CMIP: variants seen among roughly 807,000 people sequenced by gnomAD.
CMIP encodes the protein C-Maf-inducing protein.
A neutral mutation model predicts 97.3 loss-of-function variants in CMIP; 13 were observed. The ratio of observed to expected loss-of-function variants is 0.13; its 90% confidence interval spans 0.09 to 0.21. The LOEUF is 0.21. Among genes scored for constraint, CMIP ranks in the 10% least tolerant of loss-of-function variants. CMIP has a pLI of 1.00. For missense variants in CMIP, 847 were observed against 1,024.9 expected (o/e 0.83, Z 2.37); for synonymous variants, 538 against 436.3 (o/e 1.23, Z -2.91).
intron 1 of CMIP, among the ~76,000 whole-genome samples, chr16:81,477,808 T>G (rs118165081): frequency 0.026 from 4,001 of 152,316 alleles, 59 homozygotes; most frequent in South Asian, 0.046. Context: ...AGGCTCAAGT[T>G]CCTGCCATTT....
chr16:81,709,059 A>C (rs1908467213), intron 20 of CMIP, among the ~76,000 whole-genome samples: 2 of 152,174 alleles, frequency 1.3e-5, no homozygotes, highest in African/African-American at 4.8e-5. Flanking sequence ...ACTGTTCATA[A>C]AGAAAAGTGG....
Position 81,705,698 on chromosome 16 carries a change from T to G in CMIP, c.2197+94T>G, listed in dbSNP as rs950651777. 4 of 745,530 alleles carry G rather than the reference T, an allele frequency of 5.4e-6. No individual in the cohort carries two copies. The Admixed American group carries it at 7.5e-5, about 14-fold the overall frequency. The allele number at this position is 745,530 out of a possible 1,614,324, so 46.2% of individuals were successfully genotyped here. The stretch of plus-strand genomic sequence containing the variant: ...CTGGCCAAGCACTGACTTTGCACCA[T>G]GCACAGATAGAGAAATTCGTTCATT... On this transcript the variant is annotated intron_variant, in intron 19 of 20. Transcript: ENST00000537098.
chr16:81,505,996 A>C (rs752523214), intron 1 of CMIP, among the ~76,000 whole-genome samples: 1 of 152,148 alleles, frequency 6.6e-6, no homozygotes, highest in South Asian at 2.1e-4. Context: ...ACTCCATCTC[A>C]AAATAAAATA....
At chr16:81,596,571 G>A (rs2091560793) in intron 1 of CMIP, among the ~76,000 whole-genome samples, 1 of 150,434 alleles carries the variant, frequency 6.6e-6, no homozygotes, top group South Asian at 2.1e-4. Flanking sequence ...TACACACATT[G>A]TATACTGCTT....
chr16:81,703,900 C>CCA, intron 17 of CMIP, 39 bp from the exon 18 acceptor site: 1 of 1,570,726 alleles, frequency 6.4e-7, no homozygotes, highest in East Asian at 2.3e-5. Flanking sequence ...TCGGGAACTC[C>CCA]CAGCAGCACC....
intron 1 of CMIP, among the ~76,000 whole-genome samples, chr16:81,577,235 A>C (rs1051426250): frequency 6.6e-6 from 1 of 150,418 alleles, no homozygotes; most frequent in Non-Finnish European, 1.5e-5. Flanking sequence ...CATCATCCCC[A>C]TTACCACTAC....
chr16:81,502,793 A>G (rs2089637066), intron 1 of CMIP, among the ~76,000 whole-genome samples: 1 of 152,248 alleles, frequency 6.6e-6, no homozygotes, highest in African/African-American at 2.4e-5. Context: ...AAACAAAAAA[A>G]GAAGCAAGAA....
At chr16:81,510,550 G>A (rs1334713466) in intron 1 of CMIP, among the ~76,000 whole-genome samples, 1 of 152,106 alleles carries the variant, frequency 6.6e-6, no homozygotes, top group East Asian at 1.9e-4. Context: ...CACACAACCA[G>A]CCAGGCACAA....
intron 1 of CMIP, among the ~76,000 whole-genome samples, chr16:81,604,396 CAAAAAAAAAAAA>C (rs886259734): frequency 1.7e-5 from 1 of 58,682 alleles, no homozygotes; most frequent in East Asian, 4.9e-4. Flanking sequence ...AACTCTGTCT[CAAAAAAAAAAAA>C]AAAAAAAAGG....
chr16:81,693,189 GTGTC>G lies in CMIP; in HGVS notation c.1481+8_1481+11del, dbSNP rs1161119568. On this transcript the variant is annotated splice_donor_region_variant and intron_variant, in intron 12 of 20. Transcript: ENST00000537098. ...CGCACATGAGAAGTTCACCAAGTGA[GTGTC>G]TGGGCACCGCCCTCATTCCATTCTG... The G allele has an allele frequency of 1.9e-6, 3 of 1,612,128 alleles. No individual in the cohort carries two copies. Among genetic ancestry groups the G allele is most frequent in the East Asian group, 2.2e-5 (1 of 44,876 alleles).
chr16:81,452,314 G>A (rs571773381), intron 1 of CMIP, among the ~76,000 whole-genome samples: 2 of 152,254 alleles, frequency 1.3e-5, no homozygotes, highest in Non-Finnish European at 2.9e-5. Context: ...TCTGTAAAGC[G>A]AGGATCAGAG....
intron 1 of CMIP, among the ~76,000 whole-genome samples, chr16:81,536,444 T>G (rs1013133198): frequency 1.1e-4 from 16 of 152,320 alleles, no homozygotes; most frequent in African/African-American, 3.8e-4. Context: ...GAATATTCTC[T>G]TATAGTTCAT....
chr16:81,622,872 A>G (rs1449704966), intron 3 of CMIP, among the ~76,000 whole-genome samples: 9 of 152,212 alleles, frequency 5.9e-5, no homozygotes, highest in Admixed American at 6.5e-5. Context: ...GGCTTTGGCT[A>G]GAAAGATGAT....
chr16:81,494,074 C>G (rs75966276), intron 1 of CMIP, among the ~76,000 whole-genome samples: 6,862 of 152,278 alleles, frequency 0.045, 185 homozygotes, highest in Non-Finnish European at 0.063. Context: ...GTCCCTGGCT[C>G]AAAGGTAACA....
At chr16:81,518,884 T>C (rs1268397138) in intron 1 of CMIP, 1 of 146,712 alleles carries the variant, frequency 6.8e-6, no homozygotes, top group East Asian at 2.1e-4. Flanking sequence ...TTGCCCAGGC[T>C]GGAGTGCAGT....
intron 1 of CMIP, chr16:81,606,970 AGG>A (rs1409506577): frequency 6.4e-6 from 1 of 155,084 alleles, no homozygotes; most frequent in Non-Finnish European, 1.5e-5. Context: ...GAGTGTGGAA[AGG>A]GAGAGATGCC....
chr16:81,591,190 A>T (rs1188117428), intron 1 of CMIP, among the ~76,000 whole-genome samples: 6 of 152,222 alleles, frequency 3.9e-5, no homozygotes, highest in African/African-American at 1.4e-4. Flanking sequence ...CAGTTTTCTC[A>T]TCTATAAAAT....
intron 10 of CMIP, among the ~76,000 whole-genome samples, chr16:81,681,730 C>T (rs1904895093): frequency 6.6e-6 from 1 of 152,238 alleles, no homozygotes; most frequent in South Asian, 2.1e-4. Context: ...AAACTTGCCT[C>T]CTAGCATTGA....
At chr16:81,682,723 G>A (rs1904996514) in intron 10 of CMIP, among the ~76,000 whole-genome samples, 1 of 152,246 alleles carries the variant, frequency 6.6e-6, no homozygotes, top group South Asian at 2.1e-4. Flanking sequence ...CCGCTCCACT[G>A]CCAGGGAGCA....
Sources: allele counts gnomAD v4.1 joint callset (sites outside exome capture counted in the v4.1 genomes callset), GRCh38; gene constraint gnomAD v4.1.1; transcripts MANE v1.5; gene names NCBI Gene and HGNC (gene_info 2026-07-23, HGNC 2026-07-21).